MCTP1: variants seen among roughly 807,000 people sequenced by gnomAD.
The protein encoded by MCTP1 is multiple C2 and transmembrane domain containing 1.
A neutral mutation model predicts 120.6 loss-of-function variants in MCTP1; 69 were observed. That is an observed-to-expected ratio of 0.57 (90% CI 0.47 to 0.70). The LOEUF is 0.70. Among genes scored for constraint, MCTP1 ranks in the 30% least tolerant of loss-of-function variants. The probability of loss-of-function intolerance (pLI) is 0.00; values close to 1 mark genes in which losing one functional copy is unlikely to be tolerated. For missense variants in MCTP1, 1,203 were observed against 1,248.8 expected (o/e 0.96, Z 0.55); for synonymous variants, 529 against 493.1 (o/e 1.07, Z -0.96).
chr5:94,933,590 G>A (rs1271988237), intron 5 of MCTP1, among the ~76,000 whole-genome samples: 1 of 151,706 alleles, frequency 6.6e-6, no homozygotes, highest in Non-Finnish European at 1.5e-5. Context: ...AATCAATCAA[G>A]AACTATTAAG....
chr5:94,900,394 A>G (rs1805196256), intron 10 of MCTP1, among the ~76,000 whole-genome samples: 2 of 152,220 alleles, frequency 1.3e-5, no homozygotes, highest in African/African-American at 4.8e-5. Context: ...AGTACTATGG[A>G]CAAGGAAATG....
At chr5:94,915,492 G>T (rs1352775915) in intron 8 of MCTP1, among the ~76,000 whole-genome samples, 1 of 152,152 alleles carries the variant, frequency 6.6e-6, no homozygotes, top group Non-Finnish European at 1.5e-5. Flanking sequence ...GCTTGTTGAA[G>T]AATATACTTA....
chr5:94,987,316 G>A (rs557037494), intron 2 of MCTP1, among the ~76,000 whole-genome samples: 1 of 152,194 alleles, frequency 6.6e-6, no homozygotes, highest in Admixed American at 6.5e-5. Context: ...GCTTTGCAGG[G>A]TACTGTGGTA....
chr5:95,028,041 A>C (rs1434278767), intron 1 of MCTP1, among the ~76,000 whole-genome samples: 2 of 152,246 alleles, frequency 1.3e-5, no homozygotes, highest in African/African-American at 2.4e-5. Context: ...CTCACCACTC[A>C]AAGGCCAAAT....
intron 16 of MCTP1, 104 bp from the exon 17 acceptor site, chr5:94,868,556 G>T: frequency 2.6e-6 from 2 of 762,998 alleles, no homozygotes; most frequent in Non-Finnish European, 1.9e-6. Context: ...GATTCAGAAA[G>T]TTAATAAAGT....
At position 94,778,799 on chromosome 5, in the gene MCTP1, AT is replaced by A. The variant is rs201279532; in HGVS notation, c.2610+310del. ...ATTTGTAATACTCAAAATAGGACAA[AT>A]TTTTGCCCTTCAACAACAGTCATCA... On this transcript the variant is annotated intron_variant, in intron 19 of 22. Coordinates refer to ENST00000515393, the MANE Select transcript of MCTP1 (RefSeq NM_024717.7). Among the ~76,000 whole-genome samples the A allele has an allele frequency of 7.2e-3, 1,096 of 152,194 alleles. 16 individuals carry two copies. Among genetic ancestry groups the A allele is most frequent in the African/African-American group, 0.025 (1,020 of 41,528 alleles).
At chr5:95,173,458 C>A (rs1233286301) in intron 1 of MCTP1, among the ~76,000 whole-genome samples, 2 of 152,114 alleles carry the variant, frequency 1.3e-5, no homozygotes, top group Non-Finnish European at 2.9e-5. Flanking sequence ...AGGAGAGACT[C>A]CTAATAACTC....
chr5:94,755,596 C>CAT (rs1425517441), intron 19 of MCTP1, among the ~76,000 whole-genome samples: 2 of 152,224 alleles, frequency 1.3e-5, no homozygotes, highest in Non-Finnish European at 2.9e-5. Flanking sequence ...GACCATTTGA[C>CAT]ATACTTCATT....
At chr5:94,900,940 C>G (rs971039221) in intron 10 of MCTP1, among the ~76,000 whole-genome samples, 2 of 152,186 alleles carry the variant, frequency 1.3e-5, no homozygotes, top group Non-Finnish European at 2.9e-5. Context: ...TCTAGTTATA[C>G]TATCACATTT....
intron 16 of MCTP1, 142 bp from the exon 17 acceptor site, chr5:94,868,594 C>T: frequency 1.9e-6 from 1 of 518,208 alleles, no homozygotes; most frequent in Non-Finnish European, 3.0e-6. Context: ...CAATTTGGCT[C>T]ACAAGTTAAA....
intron 17 of MCTP1, among the ~76,000 whole-genome samples, chr5:94,825,677 G>C (rs1786861191): frequency 6.6e-6 from 1 of 152,020 alleles, no homozygotes; most frequent in African/African-American, 2.4e-5. Context: ...GGGAGTCTAA[G>C]TCTCTTTGTA....
intron 1 of MCTP1, among the ~76,000 whole-genome samples, chr5:95,110,303 G>T (rs539461078): frequency 1.3e-5 from 2 of 152,136 alleles, no homozygotes; most frequent in South Asian, 4.2e-4. Flanking sequence ...CTTGCATCTA[G>T]GTGGGGCCAT....
At chr5:94,909,470 T>A in intron 9 of MCTP1, 89 bp from the exon 10 acceptor site, 2 of 1,342,238 alleles carry the variant, frequency 1.5e-6, no homozygotes, top group East Asian at 4.8e-5. Flanking sequence ...TTTGGTACTA[T>A]AGTATCTAGA....
intron 1 of MCTP1, among the ~76,000 whole-genome samples, chr5:95,270,698 G>A (rs1024398237): frequency 2.0e-5 from 3 of 152,162 alleles, no homozygotes; most frequent in African/African-American, 7.2e-5. Context: ...GGGAGGCTGA[G>A]GTGGGTGGAT....
At chr5:95,059,242 G>A (rs937277889) in intron 1 of MCTP1, among the ~76,000 whole-genome samples, 6 of 151,630 alleles carry the variant, frequency 4.0e-5, no homozygotes, top group South Asian at 2.1e-4. Flanking sequence ...AAAACAGAAA[G>A]TAATCATGTC....
chr5:95,229,023 T>C (rs1310431945), intron 1 of MCTP1, among the ~76,000 whole-genome samples: 2 of 152,070 alleles, frequency 1.3e-5, no homozygotes, highest in African/African-American at 4.8e-5. Context: ...ACTAATATAG[T>C]AGAGAAGAAA....
At chr5:95,039,980 C>T (rs550130052) in intron 1 of MCTP1, among the ~76,000 whole-genome samples, 6 of 149,280 alleles carry the variant, frequency 4.0e-5, no homozygotes, top group Admixed American at 2.7e-4. Context: ...TTTTTTAAAA[C>T]TTCCTCATAA....
intron 1 of MCTP1, among the ~76,000 whole-genome samples, chr5:95,056,622 C>A (rs932406190): frequency 6.6e-6 from 1 of 152,136 alleles, no homozygotes; most frequent in African/African-American, 2.4e-5. Flanking sequence ...TGTGCAGAAA[C>A]TGATCTTTTG....
intron 1 of MCTP1, among the ~76,000 whole-genome samples, chr5:95,076,096 C>T (rs1428617619): frequency 6.6e-6 from 1 of 151,886 alleles, no homozygotes; most frequent in African/African-American, 2.4e-5. Context: ...ACATATATAC[C>T]TATGATAAAG....
Sources: gnomAD v4.1 joint callset for allele counts (sites outside exome capture counted in the v4.1 genomes callset) on GRCh38, gnomAD v4.1.1 for gene constraint, MANE v1.5 for transcripts, NCBI Gene and HGNC (gene_info 2026-07-23, HGNC 2026-07-21) for gene names.